The following SLC35F3 variants were observed in gnomAD, a reference collection of about 807,000 sequenced individuals.
The protein encoded by SLC35F3 is putative thiamine transporter SLC35F3.
A neutral mutation model predicts 49.9 loss-of-function variants in SLC35F3; 25 were observed. The observed-to-expected ratio is 0.50, with a 90% CI of 0.37 to 0.70. The LOEUF is 0.70. Among genes scored for constraint, SLC35F3 ranks in the 30% least tolerant of loss-of-function variants. The probability of loss-of-function intolerance (pLI) is 0.00; values close to 1 mark genes in which losing one functional copy is unlikely to be tolerated. For missense variants in SLC35F3, 525 were observed against 639.8 expected (o/e 0.82, Z 1.94); for synonymous variants, 275 against 265.4 (o/e 1.04, Z -0.35).
chr1:234,254,882 C>T (rs1218742175), intron 3 of SLC35F3, among the ~76,000 whole-genome samples: 13 of 152,186 alleles, frequency 8.5e-5, no homozygotes, highest in Admixed American at 5.2e-4. Flanking sequence ...TCATCATTGC[C>T]AATCTGGAGG....
At chr1:233,969,075 A>G (rs1043165919) in intron 2 of SLC35F3, among the ~76,000 whole-genome samples, 1 of 151,422 alleles carries the variant, frequency 6.6e-6, no homozygotes, top group Admixed American at 6.6e-5. Context: ...GGGGGGACAC[A>G]ATTCAACCCA....
chr1:234,000,835 C>A (rs2102832388), intron 2 of SLC35F3, among the ~76,000 whole-genome samples: 1 of 152,252 alleles, frequency 6.6e-6, no homozygotes, highest in Admixed American at 6.5e-5. Context: ...AAGCTAATTT[C>A]TTTATTCAAG....
chr1:233,904,915 G>A lies in SLC35F3; in HGVS notation c.-163G>A. 1.5e-6 allele frequency: 1 copy of A among 670,528 alleles called. No homozygotes were observed. Among genetic ancestry groups the A allele is most frequent in the Non-Finnish European group, 2.3e-6 (1 of 432,112 alleles). 41.5% of individuals were successfully genotyped at this position (670,528 alleles called of 1,614,324 possible). A position where few individuals can be genotyped will look rare whatever the true frequency, so the allele number is the denominator to read the frequency against. The stretch of plus-strand genomic sequence containing the variant: ...CACGCCGCGGAGGCGCTCGGGTACA[G>A]ACCGCGCGGGCGCGCACAAAGCGGC... On this transcript the variant is annotated 5_prime_UTR_variant, in exon 1 of 8. Transcript: ENST00000366618.
At chr1:234,140,007 G>GATAAGATAAGATAAGATAAGA (rs1422028822) in intron 2 of SLC35F3, among the ~76,000 whole-genome samples, 1 of 35,468 alleles carries the variant, frequency 2.8e-5, no homozygotes, top group Non-Finnish European at 7.2e-5. Context: ...AATAAAGTAA[G>GATAAGATAAGATAAGATAAGA]TGACTTGAAC....
chr1:234,042,124 G>A (rs1043995925), intron 2 of SLC35F3, among the ~76,000 whole-genome samples: 1 of 152,114 alleles, frequency 6.6e-6, no homozygotes. Context: ...AACTTGCCTT[G>A]GGGTTCTCTC....
chr1:234,110,655 A>G (rs1665392509), intron 2 of SLC35F3, among the ~76,000 whole-genome samples: 1 of 152,232 alleles, frequency 6.6e-6, no homozygotes, highest in Non-Finnish European at 1.5e-5. Context: ...TTTTTGGACA[A>G]ATAACACAAT....
chr1:234,124,694 C>T (rs1017565175), intron 2 of SLC35F3, among the ~76,000 whole-genome samples: 11 of 152,104 alleles, frequency 7.2e-5, no homozygotes, highest in Admixed American at 2.0e-4. Context: ...TAGCAAGACC[C>T]CATCTCTACG....
chr1:234,303,880 G>A (rs1475515170), intron 3 of SLC35F3, among the ~76,000 whole-genome samples: 1 of 152,060 alleles, frequency 6.6e-6, no homozygotes, highest in Non-Finnish European at 1.5e-5. Flanking sequence ...ATGTCTTTCA[G>A]TTCTGAGAAA....
At chr1:234,242,938 C>A (rs1047359080) in intron 3 of SLC35F3, among the ~76,000 whole-genome samples, 1 of 152,118 alleles carries the variant, frequency 6.6e-6, no homozygotes, top group Admixed American at 6.5e-5. Flanking sequence ...CAGAAGAGAA[C>A]TTTGTCAAAG....
At chr1:234,223,022 G>A (rs1667233359) in intron 2 of SLC35F3, among the ~76,000 whole-genome samples, 1 of 152,154 alleles carries the variant, frequency 6.6e-6, no homozygotes, top group Non-Finnish European at 1.5e-5. Context: ...TTCAGACCAA[G>A]TATTAAAACA....
Position 233,905,695 on chromosome 1 carries a change from G to A in SLC35F3, c.220G>A (p.Glu74Lys). The stretch of plus-strand genomic sequence containing the variant: ...CGGGCCGGTGGGGCTCACGTCCATC[G>A]AGGAGCGGATCCTGCGCATCACTGG... ...TSGPVGLTSI[E>K]ERILRITGYY... Residue 74 changes from glutamate to lysine, a missense_variant, in exon 2 of 8, where the codon GAG becomes AAG. Transcript: ENST00000366618. 6.2e-7 allele frequency: 1 copy of A among 1,614,210 alleles called. No individual in the cohort carries two copies. Among genetic ancestry groups the A allele is most frequent in the Non-Finnish European group, 8.5e-7 (1 of 1,180,040 alleles).
At chr1:234,162,023 G>C (rs6586375) in intron 2 of SLC35F3, among the ~76,000 whole-genome samples, 21,809 of 152,026 alleles carry the variant, frequency 0.14, 4,985 homozygotes, top group African/African-American at 0.48. Context: ...TGCCACCCAG[G>C]TCTAATCGAC....
chr1:234,011,556 C>T (rs1663720576), intron 2 of SLC35F3, among the ~76,000 whole-genome samples: 1 of 152,056 alleles, frequency 6.6e-6, no homozygotes, highest in South Asian at 2.1e-4. Context: ...CATACTCACG[C>T]ACACACACAC....
At chr1:234,281,082 C>T (rs945429332) in intron 3 of SLC35F3, among the ~76,000 whole-genome samples, 1 of 123,098 alleles carries the variant, frequency 8.1e-6, no homozygotes, top group African/African-American at 3.5e-5. Context: ...TAAATTGTGT[C>T]CCCCCCCCAT....
chr1:234,272,301 T>C (rs1158226336), intron 3 of SLC35F3: 1 of 152,180 alleles, frequency 6.6e-6, no homozygotes, highest in East Asian at 1.9e-4. Context: ...ATAAAACTTT[T>C]CAAAGAGGAC....
intron 2 of SLC35F3, among the ~76,000 whole-genome samples, chr1:233,934,250 A>T (rs1662290883): frequency 6.6e-6 from 1 of 152,158 alleles, no homozygotes; most frequent in Non-Finnish European, 1.5e-5. Flanking sequence ...TTTTAGGGGA[A>T]ACTGAGTGCC....
At chr1:233,936,330 C>G (rs1662326945) in intron 2 of SLC35F3, among the ~76,000 whole-genome samples, 1 of 152,198 alleles carries the variant, frequency 6.6e-6, no homozygotes, top group South Asian at 2.1e-4. Context: ...CTCAGTTCAA[C>G]AAGTAAACTT....
At chr1:234,249,203 A>G (rs1667697510) in intron 3 of SLC35F3, among the ~76,000 whole-genome samples, 1 of 152,174 alleles carries the variant, frequency 6.6e-6, no homozygotes, top group Non-Finnish European at 1.5e-5. Flanking sequence ...CTCACCTTGC[A>G]TGAATGGTCT....
chr1:234,215,640 C>T (rs1003159595), intron 2 of SLC35F3, among the ~76,000 whole-genome samples: 2 of 152,246 alleles, frequency 1.3e-5, no homozygotes, highest in African/African-American at 4.8e-5. Flanking sequence ...CTGGACTTCT[C>T]TAGGCTACTG....
Sources: allele counts gnomAD v4.1 joint callset (sites outside exome capture counted in the v4.1 genomes callset), GRCh38; gene constraint gnomAD v4.1.1; transcripts MANE v1.5; gene names NCBI Gene and HGNC (gene_info 2026-07-23, HGNC 2026-07-21).